The following TBX19 variants were observed in gnomAD, a reference collection of about 807,000 sequenced individuals.
TBX19 encodes T-box transcription factor 19.
Under a neutral mutation model 40.9 loss-of-function variants are expected in TBX19, and 33 were observed. That is an observed-to-expected ratio of 0.81 (90% confidence interval 0.61 to 1.08). The LOEUF (loss-of-function observed/expected upper bound fraction) is 1.08. Ranked by LOEUF, TBX19 falls within the 50% of genes least tolerant of loss-of-function variation. The pLI, the probability that TBX19 is intolerant of heterozygous loss-of-function variation, is 0.00. For missense variants in TBX19, 494 were observed against 574.0 expected (o/e 0.86, Z 1.42); for synonymous variants, 220 against 225.0 (o/e 0.98, Z 0.20).
intron 6 of TBX19, among the ~76,000 whole-genome samples, chr1:168,305,729 GTTTGT>G (rs1207524979): frequency 2.0e-5 from 3 of 152,168 alleles, no homozygotes; most frequent in Non-Finnish European, 2.9e-5. Flanking sequence ...TTTGCTGTCT[GTTTGT>G]TTTAAGTTAG....
intron 3 of TBX19, among the ~76,000 whole-genome samples, chr1:168,295,129 A>G (rs1288859358): frequency 6.6e-6 from 1 of 152,058 alleles, no homozygotes; most frequent in Non-Finnish European, 1.5e-5. Context: ...CGTCTCCACT[A>G]AAAATACAAA....
At position 168,312,861 on chromosome 1, in the gene TBX19, G is replaced by A. The variant is rs373913285; in HGVS notation, c.1206G>A (p.Ser402=). 3.7e-6 allele frequency: 6 copies of A among 1,614,106 alleles called. No homozygotes were observed. The highest frequency in any genetic ancestry group is 1.6e-4 in the Middle Eastern group (1 of 6,084). The change falls in exon 8 of 8, where the codon TCG becomes TCA. Residue 402 remains serine (S), a synonymous_variant. Transcript: ENST00000367821. ...TGCTCTCCACCCAAGCACCCACTTC[G>A]GCTGGTGTGGAGGTTCTGGGGGAGC... ...PSVLSTQAPT[S]AGVEVLGEPS...
chr1:168,294,204 T>G (rs940778060), intron 3 of TBX19, among the ~76,000 whole-genome samples: 5 of 152,238 alleles, frequency 3.3e-5, no homozygotes, highest in African/African-American at 1.2e-4. Flanking sequence ...TGTATTATGA[T>G]TACCTTTCTA....
At chr1:168,298,105 A>G (rs1471636715) in intron 4 of TBX19, among the ~76,000 whole-genome samples, 2 of 152,204 alleles carry the variant, frequency 1.3e-5, no homozygotes, top group African/African-American at 4.8e-5. Context: ...CTGAGGCAGG[A>G]GAATGGCGTG....
intron 4 of TBX19, among the ~76,000 whole-genome samples, chr1:168,298,292 G>A (rs1304321531): frequency 3.9e-5 from 6 of 152,108 alleles, no homozygotes; most frequent in African/African-American, 1.4e-4. Context: ...ATAGGGATCC[G>A]GGAGAACTGT....
At position 168,313,793 on chromosome 1, in the gene TBX19, G is replaced by A. The variant is rs1649579435; in HGVS notation, c.*791G>A. On this transcript the variant is annotated 3_prime_UTR_variant, in exon 8 of 8. Coordinates refer to ENST00000367821, the MANE Select transcript of TBX19 (RefSeq NM_005149.3). ...CAAAATTAGCTGGGCATGGTGGCCTGTGCCTATAGTCCCAACTACTTAGAG... is the reference window on the plus strand; with the variant it reads ...CAAAATTAGCTGGGCATGGTGGCCTATGCCTATAGTCCCAACTACTTAGAG... 6.6e-6 allele frequency: 1 copy of A among 152,400 alleles called. No individual in the cohort carries two copies. The highest frequency in any genetic ancestry group is 2.1e-4 in the South Asian group (1 of 4,832). The allele number at this position is 152,400 out of a possible 1,614,324, so 9.4% of individuals were successfully genotyped here. A position where few individuals can be genotyped will look rare whatever the true frequency, so the allele number is the denominator to read the frequency against.
chr1:168,283,291 T>C (rs1267959105), intron 1 of TBX19, among the ~76,000 whole-genome samples: 1 of 152,248 alleles, frequency 6.6e-6, no homozygotes, highest in Non-Finnish European at 1.5e-5. Context: ...GATGTCCTGC[T>C]GTGTTTGCCG....
intron 4 of TBX19, 127 bp from the exon 5 acceptor site, chr1:168,300,295 G>A: frequency 1.2e-6 from 1 of 861,560 alleles, no homozygotes; most frequent in African/African-American, 1.7e-5. Context: ...CAGGAGCTTA[G>A]GAAAAAGGTG....
chr1:168,282,741 A>G (rs1433685295), intron 1 of TBX19, among the ~76,000 whole-genome samples: 2 of 152,150 alleles, frequency 1.3e-5, no homozygotes, highest in Non-Finnish European at 2.9e-5. Flanking sequence ...ATTTTATTAT[A>G]TCTGATTATA....
chr1:168,307,838 A>C (rs985754781), intron 6 of TBX19, among the ~76,000 whole-genome samples: 2 of 152,186 alleles, frequency 1.3e-5, no homozygotes, highest in South Asian at 4.1e-4. Context: ...TAACATGTCC[A>C]TCTCCTCACA....
At chr1:168,294,724 A>T (rs540571976) in intron 3 of TBX19, among the ~76,000 whole-genome samples, 1 of 151,820 alleles carries the variant, frequency 6.6e-6, no homozygotes, top group East Asian at 1.9e-4. Flanking sequence ...CAGGTCTCGA[A>T]CTCCTGACCT....
At position 168,281,121 on chromosome 1, in the gene TBX19, C is replaced by T; in HGVS notation, c.31C>T (p.Pro11Ser). 6.2e-7 allele frequency: 1 copy of T among 1,614,076 alleles called. No individual in the cohort carries two copies. The stretch of plus-strand genomic sequence containing the variant: ...CATGAGTGAGCTGGGCACTCGGAAG[C>T]CCAGCGATGGCACTGTTTCTCATCT... MAMSELGTRK[P>S]SDGTVSHLLN... Residue 11 changes from proline to serine, a missense_variant, in exon 1 of 8, where the codon CCC becomes TCC. This residue lies in a region of TBX19 where 201 missense variants were observed against 235.2 expected (regional missense o/e 0.85). Transcript: ENST00000367821.
chr1:168,289,169 C>A (rs1277983719), intron 1 of TBX19, among the ~76,000 whole-genome samples: 1 of 152,170 alleles, frequency 6.6e-6, no homozygotes, highest in Non-Finnish European at 1.5e-5. Flanking sequence ...GTCAGAATAA[C>A]CCTATATGAT....
chr1:168,298,039 G>A (rs951117659), intron 4 of TBX19, among the ~76,000 whole-genome samples: 10 of 151,968 alleles, frequency 6.6e-5, no homozygotes, highest in Non-Finnish European at 1.0e-4. Flanking sequence ...TACTAAAAAT[G>A]CAAAAAATTA....
chr1:168,287,625 A>C (rs2102351715), intron 1 of TBX19, among the ~76,000 whole-genome samples: 1 of 152,340 alleles, frequency 6.6e-6, no homozygotes, highest in South Asian at 2.1e-4. Context: ...GTTAAGAAAC[A>C]ACAAAGATTT....
chr1:168,281,726 T>A (rs1000682616), intron 1 of TBX19, among the ~76,000 whole-genome samples: 6 of 152,210 alleles, frequency 3.9e-5, no homozygotes, highest in Non-Finnish European at 5.9e-5. Flanking sequence ...GCCAGAAATG[T>A]TTGGCTAGTT....
At chr1:168,293,578 A>T (rs890373779) in intron 3 of TBX19, among the ~76,000 whole-genome samples, 4 of 152,068 alleles carry the variant, frequency 2.6e-5, no homozygotes, top group Non-Finnish European at 5.9e-5. Flanking sequence ...TCAGGACCCT[A>T]TGTGTCCTTG....
chr1:168,297,690 T>A (rs753521546), intron 3 of TBX19, 34 bp from the exon 4 acceptor site: 2 of 1,604,384 alleles, frequency 1.2e-6, no homozygotes, highest in East Asian at 2.2e-5. Context: ...TGTATCCTAC[T>A]TTTACTAACA....
chr1:168,298,996 T>C (rs1447355943), intron 4 of TBX19, among the ~76,000 whole-genome samples: 1 of 148,964 alleles, frequency 6.7e-6, no homozygotes, highest in Non-Finnish European at 1.5e-5. Flanking sequence ...TCACTGCAAC[T>C]TCTGCTTCCT....
Sources: gnomAD v4.1 joint callset for allele counts (sites outside exome capture counted in the v4.1 genomes callset) on GRCh38, gnomAD v4.1.1 for gene constraint, gnomAD v4.1.1 regional missense constraint, MANE v1.5 for transcripts, NCBI Gene and HGNC (gene_info 2026-07-23, HGNC 2026-07-21) for gene names.